CABCOCO1: variants seen among roughly 807,000 people sequenced by gnomAD.
CABCOCO1 encodes the protein ciliary associated calcium binding coiled-coil 1, also known as ciliary-associated calcium-binding coiled-coil protein 1.
In CABCOCO1, 28 loss-of-function variants were observed where a neutral mutation model predicts 35.7. That is an observed-to-expected ratio of 0.78 (90% confidence interval 0.58 to 1.07). CABCOCO1 has a LOEUF of 1.07. CABCOCO1 is among the 50% of genes least tolerant of loss of function. CABCOCO1 has a pLI of 0.00. For missense variants in CABCOCO1, 326 were observed against 309.2 expected (o/e 1.05, Z -0.41); for synonymous variants, 95 against 100.1 (o/e 0.95, Z 0.30).
chr10:61,685,886 C>T (rs917778916), intron 3 of CABCOCO1, among the ~76,000 whole-genome samples, 155 bp from the exon 4 acceptor site: 7 of 152,152 alleles, frequency 4.6e-5, no homozygotes, highest in South Asian at 2.1e-4. Context: ...TTGCATAAAA[C>T]GTATTAATTT....
At chr10:61,729,751 T>C (rs997319563) in intron 5 of CABCOCO1, among the ~76,000 whole-genome samples, 5 of 152,154 alleles carry the variant, frequency 3.3e-5, no homozygotes, top group Non-Finnish European at 5.9e-5. Flanking sequence ...TAGAATGTGG[T>C]GTATACATAC....
intron 4 of CABCOCO1, among the ~76,000 whole-genome samples, chr10:61,686,600 T>G (rs186746023): frequency 6.6e-6 from 1 of 152,330 alleles, no homozygotes; most frequent in East Asian, 1.9e-4. Flanking sequence ...TTCTACATTT[T>G]GAAGAGCAAC....
At chr10:61,765,461 G>A (rs569622220) in intron 7 of CABCOCO1, among the ~76,000 whole-genome samples, 1 of 152,232 alleles carries the variant, frequency 6.6e-6, no homozygotes, top group Admixed American at 6.5e-5. Context: ...CTTAATTATG[G>A]GAGTTGTTCT....
intron 5 of CABCOCO1, among the ~76,000 whole-genome samples, chr10:61,699,251 T>C (rs749636889): frequency 6.6e-6 from 1 of 152,166 alleles, no homozygotes; most frequent in Non-Finnish European, 1.5e-5. Flanking sequence ...TTTATCAAAC[T>C]TCACTCCAGT....
intron 2 of CABCOCO1, among the ~76,000 whole-genome samples, chr10:61,680,859 A>T (rs1441754821): frequency 1.3e-5 from 2 of 150,496 alleles, no homozygotes; most frequent in African/African-American, 2.4e-5. Context: ...TAAAATTGCT[A>T]TACATAAACA....
At chr10:61,665,104 C>T (rs1839126355) in intron 1 of CABCOCO1, among the ~76,000 whole-genome samples, 1 of 152,148 alleles carries the variant, frequency 6.6e-6, no homozygotes, top group Admixed American at 6.5e-5. Flanking sequence ...AGTAGTCTGA[C>T]GTTTCCCATT....
chr10:61,734,346 T>C (rs928121247), intron 5 of CABCOCO1, among the ~76,000 whole-genome samples: 6 of 152,036 alleles, frequency 3.9e-5, no homozygotes, highest in Non-Finnish European at 2.9e-5. Context: ...ATTTCCTCTT[T>C]TCCTCCCCAG....
At chr10:61,763,710 T>C (rs772074209) in intron 7 of CABCOCO1, among the ~76,000 whole-genome samples, 2 of 151,876 alleles carry the variant, frequency 1.3e-5, no homozygotes, top group Non-Finnish European at 2.9e-5. Context: ...CAACTTGAAT[T>C]TTCCAGGTTA....
intron 5 of CABCOCO1, among the ~76,000 whole-genome samples, chr10:61,746,397 T>C (rs1841661593): frequency 6.6e-6 from 1 of 152,198 alleles, no homozygotes; most frequent in South Asian, 2.1e-4. Flanking sequence ...CAGTTGTTTT[T>C]ACTGGGGTCA....
intron 1 of CABCOCO1, among the ~76,000 whole-genome samples, chr10:61,672,276 C>T (rs995832129): frequency 6.6e-6 from 1 of 152,184 alleles, no homozygotes; most frequent in African/African-American, 2.4e-5. Flanking sequence ...CCTAGGCTTG[C>T]TCCTCTCACT....
chr10:61,700,171 T>C (rs1263162606), intron 5 of CABCOCO1, among the ~76,000 whole-genome samples: 1 of 152,022 alleles, frequency 6.6e-6, no homozygotes, highest in Non-Finnish European at 1.5e-5. Flanking sequence ...CTAACTATTG[T>C]CAAGACTGTA....
intron 5 of CABCOCO1, among the ~76,000 whole-genome samples, chr10:61,691,856 G>T (rs1042801316): frequency 1.4e-4 from 22 of 152,230 alleles, no homozygotes; most frequent in Admixed American, 2.0e-4. Context: ...GTATTCCATG[G>T]TGTATATGTG....
In CABCOCO1 at chr10:61,690,672, G is replaced by A. The variant is rs763344338; in HGVS notation, c.552+51G>A. 11 of 1,197,516 alleles carry A rather than the reference G, an allele frequency of 9.2e-6. No homozygotes were observed. The East Asian group carries it at 2.4e-4, about 26-fold the overall frequency. 74.2% of individuals were successfully genotyped at this position (1,197,516 alleles called of 1,614,324 possible). A position where few individuals can be genotyped will look rare whatever the true frequency, so the allele number is the denominator to read the frequency against. Reference sequence around the variant, plus strand: ...AGTTAAGCAGAATCACTTAATGCATGCTGATCAGCATCTGGATCTTTAACT... The same window carrying A: ...AGTTAAGCAGAATCACTTAATGCATACTGATCAGCATCTGGATCTTTAACT... On this transcript the variant is annotated intron_variant, in intron 5 of 7. Transcript: ENST00000648843.
intron 5 of CABCOCO1, among the ~76,000 whole-genome samples, chr10:61,744,387 G>A (rs1368749441): frequency 2.0e-5 from 3 of 152,094 alleles, no homozygotes; most frequent in South Asian, 2.1e-4. Flanking sequence ...ATATTTTATA[G>A]TGAGGGCTCT....
At chr10:61,678,681 G>A (rs1190228026) in intron 2 of CABCOCO1, among the ~76,000 whole-genome samples, 4 of 152,070 alleles carry the variant, frequency 2.6e-5, no homozygotes, top group Admixed American at 6.5e-5. Context: ...AAGATAACTG[G>A]CGGTAGCAAC....
At chr10:61,753,665 G>T (rs1456901962) in intron 5 of CABCOCO1, among the ~76,000 whole-genome samples, 4 of 152,140 alleles carry the variant, frequency 2.6e-5, no homozygotes, top group Non-Finnish European at 4.4e-5. Flanking sequence ...GGTGGGGGAA[G>T]GGGAGAGGCA....
chr10:61,689,982 C>G (rs1840086436), intron 4 of CABCOCO1, among the ~76,000 whole-genome samples: 1 of 152,098 alleles, frequency 6.6e-6, no homozygotes. Flanking sequence ...ATTAATTTTT[C>G]CCTTTCATGT....
At chr10:61,665,540 G>A (rs1271439253) in intron 1 of CABCOCO1, among the ~76,000 whole-genome samples, 2 of 94,182 alleles carry the variant, frequency 2.1e-5, no homozygotes, top group Non-Finnish European at 4.8e-5. Flanking sequence ...TTCAGTGATC[G>A]ATTTTGTATC....
At chr10:61,692,054 T>G (rs901556183) in intron 5 of CABCOCO1, among the ~76,000 whole-genome samples, 1 of 152,194 alleles carries the variant, frequency 6.6e-6, no homozygotes, top group Non-Finnish European at 1.5e-5. Context: ...TTCTAGATCC[T>G]TGAGGAATCA....
Sources: gnomAD v4.1 joint callset for allele counts (sites outside exome capture counted in the v4.1 genomes callset) on GRCh38, gnomAD v4.1.1 for gene constraint, MANE v1.5 for transcripts, NCBI Gene and HGNC (gene_info 2026-07-23, HGNC 2026-07-21) for gene names.